AKT3: variants seen among roughly 807,000 people sequenced by gnomAD.
The protein encoded by AKT3 is RAC-gamma serine/threonine-protein kinase.
A neutral mutation model predicts 65.3 loss-of-function variants in AKT3; 15 were observed. The ratio of observed to expected loss-of-function variants is 0.23; its 90% CI spans 0.15 to 0.35. The LOEUF (loss-of-function observed/expected upper bound fraction) is 0.35, where lower values mean the gene tolerates loss of function less well. Among genes scored for constraint, AKT3 ranks in the 10% least tolerant of loss-of-function variants. The pLI is 1.00. For synonymous variants in AKT3, 206 were observed against 183.8 expected, an observed-to-expected ratio of 1.12 and a Z score of -0.98; for missense variants, 243 against 576.5, an observed-to-expected ratio of 0.42 and a Z score of 5.92.
chr1:243,801,897 A>G (rs1164846427), intron 2 of AKT3, among the ~76,000 whole-genome samples: 1 of 152,224 alleles, frequency 6.6e-6, no homozygotes, highest in Admixed American at 6.5e-5. Flanking sequence ...AAAACTGAAG[A>G]AGGCCAACCG....
intron 4 of AKT3, among the ~76,000 whole-genome samples, chr1:243,662,810 C>A (rs1211293374): frequency 1.4e-4 from 21 of 152,006 alleles, no homozygotes; most frequent in Admixed American, 1.2e-3. Flanking sequence ...ATACCAATGG[C>A]AAATATGAGT....
intron 2 of AKT3, among the ~76,000 whole-genome samples, chr1:243,821,371 T>A (rs1429735654): frequency 1.3e-5 from 2 of 152,046 alleles, no homozygotes; most frequent in African/African-American, 4.8e-5. Flanking sequence ...AGCAGCTACA[T>A]CAACACGTCT....
chr1:243,593,746 AG>A (rs1461535506), intron 8 of AKT3, among the ~76,000 whole-genome samples: 1 of 152,204 alleles, frequency 6.6e-6, no homozygotes. Context: ...TTTAAAGAAA[AG>A]TCAATGTCCA....
At chr1:243,773,875 C>A (rs1422633985) in intron 2 of AKT3, among the ~76,000 whole-genome samples, 1 of 152,142 alleles carries the variant, frequency 6.6e-6, no homozygotes, top group Non-Finnish European at 1.5e-5. Context: ...TAAGAAAATT[C>A]TGTTTGGACT....
At chr1:243,561,641 C>T (rs1673789226) in intron 10 of AKT3, among the ~76,000 whole-genome samples, 1 of 152,118 alleles carries the variant, frequency 6.6e-6, no homozygotes, top group Admixed American at 6.6e-5. Flanking sequence ...AGTAGATGCT[C>T]ATTAAATAGT....
chr1:243,789,418 A>C (rs1691477301), intron 2 of AKT3, among the ~76,000 whole-genome samples: 1 of 152,348 alleles, frequency 6.6e-6, no homozygotes, highest in East Asian at 1.9e-4. Context: ...CAGATAAAAA[A>C]CAGCAACTCC....
chr1:243,779,009 C>T (rs983025272), intron 2 of AKT3, among the ~76,000 whole-genome samples: 9 of 151,942 alleles, frequency 5.9e-5, no homozygotes, highest in Admixed American at 5.2e-4. Flanking sequence ...CCATGATTTA[C>T]TTAGCCAATT....
At chr1:243,649,476 A>C (rs1356457581) in intron 4 of AKT3, among the ~76,000 whole-genome samples, 1 of 151,894 alleles carries the variant, frequency 6.6e-6, no homozygotes, top group Non-Finnish European at 1.5e-5. Flanking sequence ...GTTTTCTTAC[A>C]TGGGTATACA....
At chr1:243,788,288 T>C (rs1008362794) in intron 2 of AKT3, among the ~76,000 whole-genome samples, 2 of 152,218 alleles carry the variant, frequency 1.3e-5, no homozygotes, top group Admixed American at 6.5e-5. Context: ...TATATAATAG[T>C]AGATGTCATG....
intron 2 of AKT3, among the ~76,000 whole-genome samples, chr1:243,744,188 A>T (rs1238832101): frequency 6.6e-6 from 1 of 152,236 alleles, no homozygotes; most frequent in African/African-American, 2.4e-5. Context: ...TCTCACAAAT[A>T]AAATTTTGAA....
intron 5 of AKT3, among the ~76,000 whole-genome samples, chr1:243,645,533 G>A (rs1680741965): frequency 6.6e-6 from 1 of 152,228 alleles, no homozygotes; most frequent in Non-Finnish European, 1.5e-5. Context: ...TGCTTTTCGG[G>A]AGAATACGAA....
At chr1:243,738,479 A>C (rs1687966236) in intron 2 of AKT3, among the ~76,000 whole-genome samples, 1 of 152,232 alleles carries the variant, frequency 6.6e-6, no homozygotes, top group African/African-American at 2.4e-5. Flanking sequence ...AACTTTAGGG[A>C]GGTGTCTAGT....
chr1:243,519,654 A>C (rs1198706156), intron 12 of AKT3, among the ~76,000 whole-genome samples: 1 of 152,202 alleles, frequency 6.6e-6, no homozygotes, highest in Non-Finnish European at 1.5e-5. Flanking sequence ...TCCTCCACCA[A>C]GATAATGCTC....
chr1:243,716,419 T>C (rs1686516238), intron 2 of AKT3, among the ~76,000 whole-genome samples: 1 of 152,186 alleles, frequency 6.6e-6, no homozygotes, highest in Non-Finnish European at 1.5e-5. Flanking sequence ...ATTTATAATG[T>C]ATGGGGTATT....
At chr1:243,710,729 A>C (rs1048192722) in intron 2 of AKT3, among the ~76,000 whole-genome samples, 2 of 152,246 alleles carry the variant, frequency 1.3e-5, no homozygotes, top group African/African-American at 4.8e-5. Flanking sequence ...CATGTCGACC[A>C]AAGCCATATC....
rs148532210 is a variant in AKT3 at position 243,637,489 on chromosome 1, T to C, written c.561+122A>G. 686 of 707,588 alleles carry C rather than the reference T, an allele frequency of 9.7e-4. 1 individual carries two copies. Among genetic ancestry groups the C allele is most frequent in the Admixed American group, 2.8e-3 (80 of 28,136 alleles). 43.8% of individuals were successfully genotyped at this position (707,588 alleles called of 1,614,324 possible). On this transcript the variant is annotated intron_variant, in intron 6 of 13. Transcript: ENST00000673466. Reference sequence around the variant, plus strand: ...TACACAAAAATTACTGTAGCAGTAGTCTACAACCATATTTTGGTTGTTTAA... The same window carrying C: ...TACACAAAAATTACTGTAGCAGTAGCCTACAACCATATTTTGGTTGTTTAA...
downstream of AKT3, chr1:243,499,626 AT>A: frequency 1.3e-6 from 1 of 765,908 alleles, no homozygotes; most frequent in Non-Finnish European, 2.3e-6. Flanking sequence ...TAATTTCCAC[AT>A]TTTTAGCAAC....
intron 12 of AKT3, among the ~76,000 whole-genome samples, chr1:243,519,330 G>T (rs1347593470): frequency 6.6e-6 from 1 of 152,124 alleles, no homozygotes; most frequent in African/African-American, 2.4e-5. Context: ...ACTTTCAATG[G>T]AAATTTTAAA....
At position 243,821,559 on chromosome 1, in the gene AKT3, C is replaced by T. The variant is rs1693856793; in HGVS notation, c.46+21566G>A. On this transcript the variant is annotated intron_variant, in intron 2 of 13. Transcript: ENST00000673466. ...GACCCATCTCATGGGCAAAGACACA[C>T]ATAAGCTCAAAACAAAGGAGTGGAG... Among the ~76,000 whole-genome samples the T allele has an allele frequency of 2.0e-5, 3 of 152,158 alleles. No homozygotes were observed. The South Asian group carries it at 6.2e-4, about 31-fold the overall frequency.
Sources: gnomAD v4.1 joint callset for allele counts (sites outside exome capture counted in the v4.1 genomes callset) on GRCh38, gnomAD v4.1.1 for gene constraint, MANE v1.5 for transcripts, NCBI Gene and HGNC (gene_info 2026-07-23, HGNC 2026-07-21) for gene names.